GLRB: variants seen among roughly 807,000 people sequenced by gnomAD.
GLRB encodes the protein glycine receptor beta.
In GLRB, 33 loss-of-function variants were observed where a neutral mutation model predicts 54.2. The ratio of observed to expected loss-of-function variants is 0.61; its 90% CI spans 0.46 to 0.81. The LOEUF (loss-of-function observed/expected upper bound fraction) is 0.81, where lower values mean the gene tolerates loss of function less well. GLRB is among the 40% of genes least tolerant of loss of function. The pLI is 0.00. For missense variants in GLRB, 572 were observed against 584.6 expected (o/e 0.98, Z 0.22); for synonymous variants, 209 against 208.2 (o/e 1.00, Z -0.03).
chr4:157,102,999 T>C (rs1036934271), intron 2 of GLRB, among the ~76,000 whole-genome samples: 19 of 152,034 alleles, frequency 1.2e-4, no homozygotes, highest in Admixed American at 1.0e-3. Flanking sequence ...ACCCCGTCTC[T>C]ACTAACTTGT....
intron 2 of GLRB, among the ~76,000 whole-genome samples, chr4:157,106,523 T>C (rs1735230053): frequency 6.6e-6 from 1 of 152,088 alleles, no homozygotes; most frequent in Admixed American, 6.6e-5. Context: ...GGGTGAACAC[T>C]ACCCAATTGG....
At chr4:157,082,383 C>T (rs989717820) in intron 2 of GLRB, among the ~76,000 whole-genome samples, 2 of 152,134 alleles carry the variant, frequency 1.3e-5, no homozygotes, top group African/African-American at 4.8e-5. Context: ...ATTGTAAGCT[C>T]CATGAGAGCA....
chr4:157,091,195 G>C (rs1475133964), intron 2 of GLRB, among the ~76,000 whole-genome samples: 2 of 151,974 alleles, frequency 1.3e-5, no homozygotes, highest in East Asian at 3.9e-4. Flanking sequence ...ATAATAGTTT[G>C]GCGTGCAGCA....
intron 8 of GLRB, among the ~76,000 whole-genome samples, chr4:157,146,697 G>A (rs905326757): frequency 2.6e-5 from 4 of 151,976 alleles, no homozygotes; most frequent in South Asian, 2.1e-4. Context: ...GTGGACACCT[G>A]TAACCCCAGT....
At chr4:157,148,912 T>C (rs1736916405) in intron 8 of GLRB, among the ~76,000 whole-genome samples, 1 of 152,084 alleles carries the variant, frequency 6.6e-6, no homozygotes, top group African/African-American at 2.4e-5. Context: ...TGGTGAGAGA[T>C]GTTAAGATCT....
chr4:157,153,353 C>A (rs1560972384), intron 9 of GLRB, among the ~76,000 whole-genome samples: 1 of 152,108 alleles, frequency 6.6e-6, no homozygotes, highest in Admixed American at 6.6e-5. Context: ...GTTTCTCATT[C>A]AATGTATCTT....
chr4:157,101,873 A>G (rs1229614270), intron 2 of GLRB, among the ~76,000 whole-genome samples: 1 of 139,626 alleles, frequency 7.2e-6, no homozygotes, highest in African/African-American at 2.7e-5. Flanking sequence ...GATGTATTTT[A>G]TTAATTTTTA....
intron 7 of GLRB, among the ~76,000 whole-genome samples, chr4:157,141,537 G>C (rs75780672): frequency 0.02 from 2,984 of 151,938 alleles, 76 homozygotes; most frequent in African/African-American, 0.066. Context: ...CAAAAGTGGA[G>C]AAATATGTGG....
At chr4:157,107,961 A>G (rs954160940) in intron 2 of GLRB, among the ~76,000 whole-genome samples, 4 of 152,100 alleles carry the variant, frequency 2.6e-5, no homozygotes, top group Admixed American at 2.6e-4. Flanking sequence ...AGGGCCCTTA[A>G]GAATTATGCA....
chr4:157,097,712 G>T (rs941023963), intron 2 of GLRB, among the ~76,000 whole-genome samples: 2 of 152,112 alleles, frequency 1.3e-5, no homozygotes, highest in African/African-American at 4.8e-5. Context: ...AACAAATAGA[G>T]CATTTCTAGT....
intron 2 of GLRB, among the ~76,000 whole-genome samples, chr4:157,080,792 CTT>C (rs147367908): frequency 6.9e-6 from 1 of 145,896 alleles, no homozygotes. Context: ...TTTGTTTATA[CTT>C]TTTTTTTTTT....
chr4:157,106,474 A>C (rs760439995), intron 2 of GLRB, among the ~76,000 whole-genome samples: 17 of 152,106 alleles, frequency 1.1e-4, no homozygotes, highest in Non-Finnish European at 2.5e-4. Context: ...ATGGGCATGC[A>C]AGTTGGTGTA....
chr4:157,127,165 A>G (rs1186292295), intron 4 of GLRB, among the ~76,000 whole-genome samples: 6 of 151,704 alleles, frequency 4.0e-5, no homozygotes, highest in Non-Finnish European at 7.4e-5. Flanking sequence ...TTTTATATTT[A>G]GATTTAAAAT....
At chr4:157,101,355 T>C (rs1579198320) in intron 2 of GLRB, among the ~76,000 whole-genome samples, 1 of 152,120 alleles carries the variant, frequency 6.6e-6, no homozygotes. Flanking sequence ...ATATTCCATA[T>C]TTTATCTTCT....
chr4:157,148,048 G>A (rs1736882423), intron 8 of GLRB, among the ~76,000 whole-genome samples: 1 of 152,260 alleles, frequency 6.6e-6, no homozygotes, highest in East Asian at 1.9e-4. Flanking sequence ...CAGAGTATAT[G>A]GACACAAAGG....
At position 157,086,165 on chromosome 4, in the gene GLRB, T is replaced by C. The variant is rs192726076; in HGVS notation, c.122+8019T>C. ...TTTTGGGAAGGCTTATCTGCCGTTG[T>C]TCCTAATCTTCCCTTGCTATTATGT... is the stretch of plus-strand genomic sequence containing the variant. On this transcript the variant is annotated intron_variant, in intron 2 of 9. Transcript: ENST00000264428. Among the ~76,000 whole-genome samples, 174 of 152,328 alleles carry C rather than the reference T, an allele frequency of 1.1e-3. 2 individuals carry two copies. Among genetic ancestry groups the C allele is most frequent in the Admixed American group, 2.2e-3 (34 of 15,308 alleles).
chr4:157,149,844 T>G (rs1345758191), intron 8 of GLRB, among the ~76,000 whole-genome samples: 1 of 152,040 alleles, frequency 6.6e-6, no homozygotes, highest in Non-Finnish European at 1.5e-5. Context: ...TTTTCCTTTC[T>G]TTCTTCCTCT....
chr4:157,161,960 A>G (rs1043333935), intron 9 of GLRB, among the ~76,000 whole-genome samples: 3 of 152,184 alleles, frequency 2.0e-5, no homozygotes, highest in African/African-American at 7.2e-5. Flanking sequence ...CGTTACTTTC[A>G]GGTACACCAG....
chr4:157,158,429 T>A (rs1737325599), intron 9 of GLRB, among the ~76,000 whole-genome samples: 1 of 152,214 alleles, frequency 6.6e-6, no homozygotes, highest in Admixed American at 6.5e-5. Context: ...TGAATGGTAT[T>A]GCCTAGGTTT....
Sources: gnomAD v4.1 joint callset for allele counts (sites outside exome capture counted in the v4.1 genomes callset) on GRCh38, gnomAD v4.1.1 for gene constraint, MANE v1.5 for transcripts, NCBI Gene and HGNC (gene_info 2026-07-23, HGNC 2026-07-21) for gene names.